Variants in B3GALT1 observed in about 807,000 individuals in gnomAD.
B3GALT1 encodes the protein beta-1,3-galactosyltransferase 1, also known as UDP-Gal:betaGlcNAc beta 1,3-galactosyltransferase, polypeptide 1.
B3GALT1 carries 10 observed loss-of-function variants against 23.2 expected under a neutral mutation model. The ratio of observed to expected loss-of-function variants is 0.43; its 90% CI spans 0.27 to 0.73. The LOEUF (loss-of-function observed/expected upper bound fraction) is 0.73, where lower values mean the gene tolerates loss of function less well. Among genes scored for constraint, B3GALT1 ranks in the 30% least tolerant of loss-of-function variants. B3GALT1 has a pLI of 0.21. For missense variants in B3GALT1, 299 were observed against 405.4 expected (o/e 0.74, Z 2.25); for synonymous variants, 156 against 141.5 (o/e 1.10, Z -0.73).
rs1195110974 is a variant in B3GALT1, at chr2:167,645,553, ATTTTT to A, written c.-409-1334_-409-1330del. On this transcript the variant is annotated intron_variant, in intron 2 of 4. Coordinates refer to ENST00000392690, the MANE Select transcript of B3GALT1 (RefSeq NM_020981.4). ...GTTCTACCCTTGGCCACTGCCAATA[ATTTTT>A]TTTTTTTTTTTTTTTTTTTTTGAGA... 5.7e-3 allele frequency among the ~76,000 whole-genome samples: 492 copies of A among 87,076 alleles called. 6 individuals carry two copies. Among genetic ancestry groups the A allele is most frequent in the African/African-American group, 0.022 (463 of 21,278 alleles). The allele number at this position is 87,076 out of a possible 152,430, so 57.1% of individuals were successfully genotyped here. A position where few individuals can be genotyped will look rare whatever the true frequency, so the allele number is the denominator to read the frequency against.
chr2:167,299,354 T>C (rs916042682), intron 1 of B3GALT1, among the ~76,000 whole-genome samples: 1 of 152,216 alleles, frequency 6.6e-6, no homozygotes, highest in Non-Finnish European at 1.5e-5. Context: ...GCACCATGGC[T>C]TTGTGAATAG....
At chr2:167,601,470 G>T (rs566935117) in intron 2 of B3GALT1, among the ~76,000 whole-genome samples, 2 of 152,138 alleles carry the variant, frequency 1.3e-5, no homozygotes, top group Admixed American at 6.5e-5. Context: ...TATTGCTCTG[G>T]TCATTTATTT....
intron 2 of B3GALT1, among the ~76,000 whole-genome samples, chr2:167,540,763 A>C (rs1683521555): frequency 6.6e-6 from 1 of 152,108 alleles, no homozygotes; most frequent in Non-Finnish European, 1.5e-5. Context: ...ACTCCCTATT[A>C]AGTCTAATTC....
At chr2:167,462,022 C>T (rs1699265911) in intron 1 of B3GALT1, among the ~76,000 whole-genome samples, 1 of 152,144 alleles carries the variant, frequency 6.6e-6, no homozygotes, top group Non-Finnish European at 1.5e-5. Context: ...CACTTCATAG[C>T]AGATGTCAAG....
intron 1 of B3GALT1, among the ~76,000 whole-genome samples, chr2:167,380,931 T>G (rs78752564): frequency 0.017 from 2,660 of 152,296 alleles, 84 homozygotes; most frequent in African/African-American, 0.061. Flanking sequence ...GATTCCCATT[T>G]TCCTTCTTGA....
chr2:167,384,958 G>T (rs953775591), intron 1 of B3GALT1, among the ~76,000 whole-genome samples: 1 of 151,866 alleles, frequency 6.6e-6, no homozygotes, highest in Non-Finnish European at 1.5e-5. Flanking sequence ...CATCAGCAGT[G>T]TCCTCAGTCT....
intron 4 of B3GALT1, among the ~76,000 whole-genome samples, chr2:167,842,842 C>T (rs1366591848): frequency 6.6e-6 from 1 of 152,104 alleles, no homozygotes; most frequent in Non-Finnish European, 1.5e-5. Flanking sequence ...CACTGTATTC[C>T]AGCCTGCACA....
chr2:167,551,651 G>A (rs1574132385), intron 2 of B3GALT1, among the ~76,000 whole-genome samples: 2 of 152,188 alleles, frequency 1.3e-5, no homozygotes, highest in Non-Finnish European at 1.5e-5. Flanking sequence ...TGGATGAGGG[G>A]TGCAGTCATC....
chr2:167,654,669 A>T (rs564737506), intron 3 of B3GALT1, among the ~76,000 whole-genome samples: 7 of 151,588 alleles, frequency 4.6e-5, no homozygotes, highest in Admixed American at 3.9e-4. Flanking sequence ...AATTTTTAAA[A>T]TTTTTTTGTA....
rs116673030 is a variant in B3GALT1 at position 167,820,358 on chromosome 2, G to A, written c.-230+1565G>A. On this transcript the variant is annotated intron_variant, in intron 4 of 4. Coordinates refer to ENST00000392690, the MANE Select transcript of B3GALT1 (RefSeq NM_020981.4). ...TGTGAGAGTCAAGAGAGCTCTCCCT[G>A]CTTCCCTTCCCTTCTGGGCACATGA... 9.2e-3 allele frequency among the ~76,000 whole-genome samples: 1,396 copies of A among 152,308 alleles called. 28 individuals carry two copies. The highest frequency in any genetic ancestry group is 0.032 in the African/African-American group (1,333 of 41,560).
chr2:167,872,482 CA>C lies in B3GALT1; in HGVS notation c.*2464del, dbSNP rs1198857339. 1 of 152,232 alleles carries C rather than the reference CA, an allele frequency of 6.6e-6. No individual in the cohort carries two copies. The highest frequency in any genetic ancestry group is 1.5e-5 in the Non-Finnish European group (1 of 68,040). The allele number at this position is 152,232 out of a possible 1,614,324, so 9.4% of individuals were successfully genotyped here. A position where few individuals can be genotyped will look rare whatever the true frequency, so the allele number is the denominator to read the frequency against. ...TGAACCACCCTCCAACCTGCAGCCTCAACTGCTGTGAGTTCCAATCACTGGG... is the reference window on the plus strand; with the variant it reads ...TGAACCACCCTCCAACCTGCAGCCTCACTGCTGTGAGTTCCAATCACTGGG... On this transcript the variant is annotated 3_prime_UTR_variant, in exon 5 of 5. Coordinates refer to ENST00000392690, the MANE Select transcript of B3GALT1 (RefSeq NM_020981.4).
chr2:167,359,761 C>T lies in B3GALT1; in HGVS notation c.-511+66427C>T, dbSNP rs983762379. ...TTTATTGGTTTATACAGGCTTTGCC[C>T]TTCATCTTTTTTTTTTTTTCTAAAC... On this transcript the variant is annotated intron_variant, in intron 1 of 4. Transcript: ENST00000392690. 2.8e-4 allele frequency among the ~76,000 whole-genome samples: 25 copies of T among 90,586 alleles called. No homozygotes were observed. The Admixed American group carries it at 3.3e-3, about 12-fold the overall frequency. 59.4% of individuals were successfully genotyped at this position (90,586 alleles called of 152,430 possible). A position where few individuals can be genotyped will look rare whatever the true frequency, so the allele number is the denominator to read the frequency against.
intron 4 of B3GALT1, among the ~76,000 whole-genome samples, chr2:167,821,744 A>G (rs1357163975): frequency 6.6e-6 from 1 of 151,794 alleles, no homozygotes; most frequent in Non-Finnish European, 1.5e-5. Flanking sequence ...CTAGGAAGGT[A>G]TTTTTTTTAT....
chr2:167,480,552 T>A (rs1244726427), intron 1 of B3GALT1, among the ~76,000 whole-genome samples: 1 of 152,044 alleles, frequency 6.6e-6, no homozygotes, highest in Non-Finnish European at 1.5e-5. Context: ...CCCTTAACTC[T>A]GTTTTGTTCC....
chr2:167,452,820 A>G (rs996841731), intron 1 of B3GALT1, among the ~76,000 whole-genome samples: 1 of 152,190 alleles, frequency 6.6e-6, no homozygotes, highest in African/African-American at 2.4e-5. Context: ...CTGATGTAGA[A>G]GCCAAATTGC....
chr2:167,740,028 G>A (rs1013076385), intron 3 of B3GALT1, among the ~76,000 whole-genome samples: 10 of 151,464 alleles, frequency 6.6e-5, no homozygotes, highest in Non-Finnish European at 1.3e-4. Context: ...GAGCCCAGGA[G>A]TTCAAGGCTG....
intron 1 of B3GALT1, among the ~76,000 whole-genome samples, chr2:167,306,574 C>T (rs1696555466): frequency 6.6e-6 from 1 of 151,954 alleles, no homozygotes. Context: ...ACTTATTTCT[C>T]ACTATTCAGT....
At chr2:167,620,422 G>A (rs1299706476) in intron 2 of B3GALT1, among the ~76,000 whole-genome samples, 3 of 152,056 alleles carry the variant, frequency 2.0e-5, no homozygotes, top group African/African-American at 7.2e-5. Flanking sequence ...TTAAGGATTT[G>A]GGATTGTATT....
chr2:167,688,513 A>C (rs1206401239), intron 3 of B3GALT1, among the ~76,000 whole-genome samples: 2 of 152,126 alleles, frequency 1.3e-5, no homozygotes, highest in East Asian at 3.8e-4. Context: ...CAATAATGAA[A>C]TTTTTAAAAC....
Sources: allele counts gnomAD v4.1 joint callset (sites outside exome capture counted in the v4.1 genomes callset), GRCh38; gene constraint gnomAD v4.1.1; transcripts MANE v1.5; gene names NCBI Gene and HGNC (gene_info 2026-07-23, HGNC 2026-07-21).